VWA8: variants seen among roughly 807,000 people sequenced by gnomAD.
VWA8 encodes the protein von Willebrand factor A domain-containing protein 8.
Under a neutral mutation model 241.5 loss-of-function variants are expected in VWA8, and 221 were observed. That is an observed-to-expected ratio of 0.91 (90% confidence interval 0.82 to 1.02). The LOEUF is 1.02. Among genes scored for constraint, VWA8 ranks in the 50% least tolerant of loss-of-function variants. The pLI, the probability that VWA8 is intolerant of heterozygous loss-of-function variation, is 0.00. For missense variants in VWA8, 2,322 were observed against 2,328.7 expected (o/e 1.00, Z 0.06); for synonymous variants, 852 against 827.1 (o/e 1.03, Z -0.52).
chr13:41,764,388 C>T (rs2045764498), intron 20 of VWA8, among the ~76,000 whole-genome samples: 1 of 152,058 alleles, frequency 6.6e-6, no homozygotes, highest in South Asian at 2.1e-4. Flanking sequence ...TATTTGAGCA[C>T]CTAATATTAC....
intron 37 of VWA8, among the ~76,000 whole-genome samples, chr13:41,662,308 CT>C (rs1396995087): frequency 1.3e-5 from 2 of 152,040 alleles, no homozygotes; most frequent in Non-Finnish European, 2.9e-5. Context: ...TCTTTGATTT[CT>C]TTCATTAATG....
At chr13:41,760,247 T>C (rs2045729875) in intron 21 of VWA8, among the ~76,000 whole-genome samples, 2 of 151,798 alleles carry the variant, frequency 1.3e-5, no homozygotes, top group Admixed American at 1.3e-4. Flanking sequence ...CACTACCCTG[T>C]CATGGGCAGA....
intron 40 of VWA8, among the ~76,000 whole-genome samples, chr13:41,600,739 G>T (rs551938056): frequency 6.6e-6 from 1 of 152,168 alleles, no homozygotes; most frequent in South Asian, 2.1e-4. Flanking sequence ...TTCTTCACAA[G>T]TCTGTCCTCT....
At chr13:41,940,180 T>C (rs1877529411) in intron 2 of VWA8, among the ~76,000 whole-genome samples, 1 of 152,232 alleles carries the variant, frequency 6.6e-6, no homozygotes, top group Admixed American at 6.5e-5. Context: ...GGCTATGAAC[T>C]GAAAGTTTCA....
chr13:41,706,892 A>C (rs1481555759), intron 26 of VWA8, among the ~76,000 whole-genome samples: 1 of 152,192 alleles, frequency 6.6e-6, no homozygotes, highest in Non-Finnish European at 1.5e-5. Flanking sequence ...ATTTGATTTC[A>C]TGGGGAAGGA....
At chr13:41,899,096 C>T (rs1434574748) in intron 4 of VWA8, among the ~76,000 whole-genome samples, 1 of 152,220 alleles carries the variant, frequency 6.6e-6, no homozygotes. Flanking sequence ...GAGGAGGTGC[C>T]GAGAGCAAGC....
chr13:41,758,506 A>AAT (rs1423267192), intron 21 of VWA8, among the ~76,000 whole-genome samples: 4 of 144,200 alleles, frequency 2.8e-5, no homozygotes, highest in South Asian at 2.2e-4. Context: ...ATATATATGG[A>AAT]ATATATGGAA....
intron 20 of VWA8, among the ~76,000 whole-genome samples, chr13:41,772,632 G>A (rs996744059): frequency 6.6e-6 from 1 of 152,158 alleles, no homozygotes; most frequent in Non-Finnish European, 1.5e-5. Context: ...ATCCCACTTG[G>A]CAGAAAGGCA....
intron 37 of VWA8, among the ~76,000 whole-genome samples, chr13:41,639,641 A>T (rs1000307678): frequency 2.0e-5 from 3 of 152,190 alleles, no homozygotes; most frequent in Non-Finnish European, 2.9e-5. Context: ...GATTTATACA[A>T]ATTGGCTTTA....
rs1239166610 is a variant in VWA8 at position 41,573,610 on chromosome 13, C to CATATATATATATATATATATATATATAT, written c.5370+2129_5370+2130insATATATATATATATATATATATATATAT. ...ATATATATACACCTCTATATATACG[C>CATATATATATATATATATATATATATAT]ATATATATGGTGTGTGTGTGTGTGA... On this transcript the variant is annotated intron_variant, in intron 43 of 44. Transcript: ENST00000379310. 4.4e-3 allele frequency among the ~76,000 whole-genome samples: 615 copies of CATATATATATATATATATATATATATAT among 140,114 alleles called. 12 individuals carry two copies. Among genetic ancestry groups the CATATATATATATATATATATATATATAT allele is most frequent in the African/African-American group, 0.016 (556 of 35,634 alleles). 91.9% of individuals were successfully genotyped at this position (140,114 alleles called of 152,430 possible).
intron 9 of VWA8, among the ~76,000 whole-genome samples, chr13:41,873,651 G>T (rs1420397076): frequency 2.0e-5 from 3 of 152,152 alleles, no homozygotes; most frequent in East Asian, 1.9e-4. Flanking sequence ...TTGAATCTCT[G>T]AATAGACCAA....
At chr13:41,749,447 C>T (rs1364336837) in intron 21 of VWA8, among the ~76,000 whole-genome samples, 1 of 151,224 alleles carries the variant, frequency 6.6e-6, no homozygotes, top group East Asian at 1.9e-4. Context: ...GTCGGTGTGG[C>T]AATTCCTCAG....
intron 19 of VWA8, among the ~76,000 whole-genome samples, chr13:41,780,315 C>T (rs911995843): frequency 6.6e-6 from 1 of 152,182 alleles, no homozygotes. Context: ...TCAACTACAG[C>T]CCTCTATTTC....
intron 37 of VWA8, among the ~76,000 whole-genome samples, chr13:41,642,562 CAAAAA>C (rs1156882566): frequency 4.7e-4 from 29 of 61,554 alleles, no homozygotes; most frequent in African/African-American, 1.7e-3. Context: ...CCGTCTCAAA[CAAAAA>C]AAAAAAAAAA....
intron 37 of VWA8, among the ~76,000 whole-genome samples, chr13:41,646,984 G>A (rs1181503105): frequency 1.3e-5 from 2 of 152,146 alleles, no homozygotes; most frequent in Non-Finnish European, 2.9e-5. Flanking sequence ...TATAAAATGG[G>A]ACTATCATCA....
At chr13:41,871,358 GGTTA>G (rs1263864226) in intron 9 of VWA8, among the ~76,000 whole-genome samples, 1 of 151,918 alleles carries the variant, frequency 6.6e-6, no homozygotes, top group Non-Finnish European at 1.5e-5. Flanking sequence ...ACAATGTGCA[GGTTA>G]GTTACATATG....
intron 29 of VWA8, among the ~76,000 whole-genome samples, chr13:41,696,816 C>T (rs2045218302): frequency 6.6e-6 from 1 of 152,248 alleles, no homozygotes; most frequent in African/African-American, 2.4e-5. Context: ...CACTTTCAAA[C>T]TCATTTTCAA....
At chr13:41,782,012 A>G (rs1868910021) in intron 19 of VWA8, among the ~76,000 whole-genome samples, 1 of 152,240 alleles carries the variant, frequency 6.6e-6, no homozygotes, top group African/African-American at 2.4e-5. Context: ...GAAGTACAGC[A>G]TAAAAGGAAG....
intron 2 of VWA8, among the ~76,000 whole-genome samples, chr13:41,917,091 A>AT (rs781264661): frequency 2.6e-5 from 4 of 152,106 alleles, no homozygotes; most frequent in Non-Finnish European, 4.4e-5. Context: ...AATATGTACT[A>AT]TTTTTTGCCC....
Sources: gnomAD v4.1 joint callset for allele counts (sites outside exome capture counted in the v4.1 genomes callset) on GRCh38, gnomAD v4.1.1 for gene constraint, MANE v1.5 for transcripts, NCBI Gene and HGNC (gene_info 2026-07-23, HGNC 2026-07-21) for gene names.